NBEAL1: variants seen among roughly 807,000 people sequenced by gnomAD.
NBEAL1 encodes neurobeachin-like protein 1.
In NBEAL1, 273 loss-of-function variants were observed where a neutral mutation model predicts 351.3. The observed-to-expected ratio is 0.78, with a 90% CI of 0.70 to 0.86. NBEAL1 has a LOEUF of 0.86. NBEAL1 is among the 40% of genes least tolerant of loss of function. The pLI, the probability that NBEAL1 is intolerant of heterozygous loss-of-function variation, is 0.00. For synonymous variants in NBEAL1, 1,050 were observed against 1,086.4 expected, an observed-to-expected ratio of 0.97 and a Z score of 0.66; for missense variants, 2,961 against 3,201.3, an observed-to-expected ratio of 0.92 and a Z score of 1.81.
intron 2 of NBEAL1, among the ~76,000 whole-genome samples, chr2:203,021,057 C>T (rs2060763445): frequency 6.6e-6 from 1 of 152,068 alleles, no homozygotes; most frequent in South Asian, 2.1e-4. Flanking sequence ...TCCCGAGTAG[C>T]TGGTATTTAC....
chr2:203,138,396 A>G, intron 30 of NBEAL1, 81 bp downstream of exon 30: 2 of 1,309,402 alleles, frequency 1.5e-6, no homozygotes, highest in Non-Finnish European at 1.1e-6. Flanking sequence ...CCCTCTTTTT[A>G]GAGCGTTAAT....
chr2:203,055,606 TA>T (rs34191033), intron 4 of NBEAL1, among the ~76,000 whole-genome samples: 3,589 of 149,568 alleles, frequency 0.024, 148 homozygotes, highest in African/African-American at 0.083. Context: ...TCCCATCTCT[TA>T]AAAAAAAAAC....
chr2:203,155,749 G>A (rs186239590), intron 35 of NBEAL1, among the ~76,000 whole-genome samples: 1 of 152,218 alleles, frequency 6.6e-6, no homozygotes, highest in Admixed American at 6.5e-5. Context: ...CACTCAGCCT[G>A]TAAATATATT....
rs1231666776 is a variant in NBEAL1, at chr2:203,031,397, T to A, written c.52-10368T>A. On this transcript the variant is annotated intron_variant, in intron 2 of 55. Transcript: ENST00000683969. Reference sequence around the variant, plus strand: ...TTGCTCTGTTCTCAATGCCTTTCTTTGTATACAATTTCATTTTATTGCCTA... The same window carrying A: ...TTGCTCTGTTCTCAATGCCTTTCTTAGTATACAATTTCATTTTATTGCCTA... Among the ~76,000 whole-genome samples the A allele has an allele frequency of 2.6e-5, 4 of 152,254 alleles. No homozygotes were observed. The East Asian group carries it at 7.7e-4, about 29-fold the overall frequency.
At chr2:203,072,053 C>T (rs1432394192) in intron 7 of NBEAL1, among the ~76,000 whole-genome samples, 1 of 152,208 alleles carries the variant, frequency 6.6e-6, no homozygotes, top group African/African-American at 2.4e-5. Context: ...GAAACTTGAC[C>T]TGTGGTCCTA....
chr2:203,193,859 C>A lies in NBEAL1; in HGVS notation c.6986C>A (p.Ser2329Ter), dbSNP rs753483482. 6 of 1,612,526 alleles carry A rather than the reference C, an allele frequency of 3.7e-6. No homozygotes were observed. In the South Asian group the frequency reaches 5.5e-5, roughly 15 times the overall value. The change falls in exon 47 of 56, where the codon TCA becomes TAA. Residue 2329 changes from serine (S) to a stop codon, truncating the protein, a stop_gained. Coordinates refer to ENST00000683969, the MANE Select transcript of NBEAL1 (RefSeq NM_001378026.1). LOFTEE classifies it high-confidence loss of function. The part of the protein sequence containing the change: ...AVQKPTKIDT[S>*]TLNLFQHLPE... ...CAGAAGCCAACCAAAATAGACACTT[C>A]AACCCTAAACCTGTTTCAACACCTT...
At position 203,151,445 on chromosome 2, in the gene NBEAL1, T is replaced by G; in HGVS notation, c.5463-20T>G. ...ACTTAAGCTAAATAATTTTACTTAT[T>G]TGCTTATGAATATTCTTAGGAAACA... On this transcript the variant is annotated intron_variant, in intron 34 of 55. Transcript: ENST00000683969. 2 of 1,533,862 alleles carry G rather than the reference T, an allele frequency of 1.3e-6. No individual in the cohort carries two copies. Among genetic ancestry groups the G allele is most frequent in the Non-Finnish European group, 1.8e-6 (2 of 1,135,410 alleles).
intron 45 of NBEAL1, 40 bp from the exon 46 acceptor site, chr2:203,190,252 T>C (rs753069911): frequency 7.0e-7 from 1 of 1,427,364 alleles, no homozygotes; most frequent in Non-Finnish European, 9.7e-7. Flanking sequence ...CTTGCTGATT[T>C]GTTTTCACTC....
Position 203,136,634 on chromosome 2 carries a change from T to C in NBEAL1, c.4425T>C (p.His1475=). ...AGGAGCTTCTTCAATTACTGACACA[T>C]ATTTTGAATTATGTAATGTGTAAGG... ...CEEELLQLLT[H]ILNYVMCKGL... is the part of the protein sequence containing the mutation. Residue 1475 remains histidine, a synonymous_variant, in exon 29 of 56, where the codon CAT becomes CAC. Coordinates refer to ENST00000683969, the MANE Select transcript of NBEAL1 (RefSeq NM_001378026.1). The C allele has an allele frequency of 6.2e-7, 1 of 1,611,862 alleles. No homozygotes were observed. The highest frequency in any genetic ancestry group is 8.5e-7 in the Non-Finnish European group (1 of 1,178,696).
intron 6 of NBEAL1, among the ~76,000 whole-genome samples, chr2:203,059,025 C>A (rs1347632871): frequency 1.3e-5 from 2 of 152,136 alleles, no homozygotes; most frequent in Non-Finnish European, 2.9e-5. Flanking sequence ...CTTAACATGA[C>A]CCATTTGTAA....
intron 42 of NBEAL1, among the ~76,000 whole-genome samples, chr2:203,176,838 T>A (rs1157968944): frequency 6.6e-6 from 1 of 151,832 alleles, no homozygotes; most frequent in Non-Finnish European, 1.5e-5. Flanking sequence ...TGTATAATAC[T>A]TCAAAGGTCA....
intron 6 of NBEAL1, among the ~76,000 whole-genome samples, chr2:203,058,157 C>T (rs1325165719): frequency 6.6e-6 from 1 of 152,034 alleles, no homozygotes; most frequent in Non-Finnish European, 1.5e-5. Flanking sequence ...AACTGTAGAG[C>T]TTCTGTCATC....
chr2:203,139,728 CA>C (rs775572259), intron 31 of NBEAL1, among the ~76,000 whole-genome samples: 34 of 151,442 alleles, frequency 2.2e-4, no homozygotes, highest in Admixed American at 3.9e-4. Context: ...CTATGCCTGG[CA>C]AATTTTTGTG....
intron 36 of NBEAL1, among the ~76,000 whole-genome samples, chr2:203,158,469 A>T (rs1181919858): frequency 6.6e-6 from 1 of 152,178 alleles, no homozygotes; most frequent in Admixed American, 6.5e-5. Flanking sequence ...AAAGCCTTAG[A>T]TACATTTTAA....
chr2:203,215,594 A>G (rs1343840972), intron 55 of NBEAL1, among the ~76,000 whole-genome samples: 1 of 152,050 alleles, frequency 6.6e-6, no homozygotes, highest in Non-Finnish European at 1.5e-5. Flanking sequence ...AGGCTGAGGC[A>G]GGAGAATCGC....
At chr2:203,106,881 G>A (rs537117567) in intron 12 of NBEAL1, among the ~76,000 whole-genome samples, 14 of 152,236 alleles carry the variant, frequency 9.2e-5, no homozygotes, top group Admixed American at 2.0e-4. Context: ...ATGTGACATA[G>A]AACTTCCTAA....
At chr2:203,112,556 C>T (rs570661222) in intron 16 of NBEAL1, among the ~76,000 whole-genome samples, 224 of 152,104 alleles carry the variant, frequency 1.5e-3, no homozygotes, top group African/African-American at 5.3e-3. Context: ...CACTAGAGGG[C>T]CTTTTCTGAA....
Position 203,112,000 on chromosome 2 carries a change from A to C in NBEAL1, c.2104A>C (p.Met702Leu), listed in dbSNP as rs1208377938. The C allele has an allele frequency of 6.4e-7, 1 of 1,551,468 alleles. No homozygotes were observed. Among genetic ancestry groups the C allele is most frequent in the African/African-American group, 1.4e-5 (1 of 73,058 alleles). The part of the protein sequence containing the change: ...SLWHNITVVH[M>L]PGKRPFGQSF... ...CCAGCACAACATAACTGTTGTCCAC[A>C]TGCCTGGAAAAAGGCCTTTTGGTCA... is the stretch of plus-strand genomic sequence containing the variant. The change falls in exon 16 of 56, where the codon ATG becomes CTG. Residue 702 changes from methionine (M) to leucine (L), a missense_variant. Coordinates refer to ENST00000683969, the MANE Select transcript of NBEAL1 (RefSeq NM_001378026.1).
intron 36 of NBEAL1, among the ~76,000 whole-genome samples, chr2:203,165,436 A>T (rs1350909235): frequency 6.6e-6 from 1 of 152,164 alleles, no homozygotes; most frequent in Non-Finnish European, 1.5e-5. Flanking sequence ...ATTATTTACA[A>T]ACACCACTAC....
Sources: allele counts gnomAD v4.1 joint callset (sites outside exome capture counted in the v4.1 genomes callset), GRCh38; gene constraint gnomAD v4.1.1; transcripts MANE v1.5; gene names NCBI Gene and HGNC (gene_info 2026-07-23, HGNC 2026-07-21).